Variants in SLC7A13 observed in about 807,000 individuals in gnomAD.
SLC7A13 encodes solute carrier family 7 member 13, also known as X-amino acid transporter 2.
Under a neutral mutation model 32.0 loss-of-function variants are expected in SLC7A13, and 31 were observed. The observed-to-expected ratio is 0.97, with a 90% CI of 0.73 to 1.31. The LOEUF (loss-of-function observed/expected upper bound fraction) is 1.31. Among genes scored for constraint, SLC7A13 ranks in the 50% most tolerant of loss-of-function variants. The pLI is 0.00. For synonymous variants in SLC7A13, 232 were observed against 206.9 expected (o/e 1.12, Z -1.04); for missense variants, 633 against 546.9 (o/e 1.16, Z -1.57).
At chr8:86,217,875 G>T in intron 2 of SLC7A13, 44 bp from the exon 3 acceptor site, 1 of 1,472,860 alleles carries the variant, frequency 6.8e-7, no homozygotes, top group South Asian at 1.5e-5. Context: ...TGTTAAAAGA[G>T]AAATACTAAT....
Position 86,229,784 on chromosome 8 carries a change from A to C in SLC7A13, c.494T>G (p.Val165Gly). Residue 165 changes from valine (V) to glycine (G), a missense_variant, in exon 1 of 4, where the codon GTG becomes GGG. By Grantham distance (109) the Val-to-Gly change is moderately radical. Transcript: ENST00000297524. ...GAAGCTAAGTATGGACACTTTCAGC[A>C]CTGAGCTAGCTATCTGAAGCCAAGT... Reference protein sequence around the residue: ...EVTWLQIASSVLKVSILSFIS... With the variant: ...EVTWLQIASSGLKVSILSFIS... The C allele has an allele frequency of 1.2e-6, 2 of 1,614,224 alleles. No individual in the cohort carries two copies. The highest frequency in any genetic ancestry group is 8.5e-7 in the Non-Finnish European group (1 of 1,180,040).
rs950863304 is a variant in SLC7A13, at chr8:86,221,686, C to T, written c.817+1286G>A. Among the ~76,000 whole-genome samples, 5 of 150,996 alleles carry T rather than the reference C, an allele frequency of 3.3e-5. No homozygotes were observed. In the Admixed American group the frequency reaches 3.3e-4, roughly 10 times the overall value. ...AAGATGATATGCCTAAAAAAGTAAG[C>T]ATTGTAGCCAAATTAAAAGTGATGA... On this transcript the variant is annotated intron_variant, in intron 2 of 3. Coordinates refer to ENST00000297524, the MANE Select transcript of SLC7A13 (RefSeq NM_138817.3).
At chr8:86,222,866 C>T (rs1020342495) in intron 2 of SLC7A13, 106 bp downstream of exon 2, 14 of 1,135,300 alleles carry the variant, frequency 1.2e-5, no homozygotes, top group Non-Finnish European at 1.5e-5. Flanking sequence ...AAGTTGATTC[C>T]ATATATAGAA....
chr8:86,229,244 A>G (rs1326604842), intron 1 of SLC7A13, among the ~76,000 whole-genome samples: 2 of 152,214 alleles, frequency 1.3e-5, no homozygotes, highest in African/African-American at 4.8e-5. Context: ...ATAGTCTGGC[A>G]TTGGATCATT....
intron 3 of SLC7A13, 59 bp from the exon 4 acceptor site, chr8:86,214,705 A>G (rs1820148550): frequency 1.7e-6 from 2 of 1,162,452 alleles, no homozygotes; most frequent in African/African-American, 1.6e-5. Context: ...TGATACCTGC[A>G]TATTCATATA....
Position 86,230,314 on chromosome 8 carries a change from A to C in SLC7A13, c.-37T>G, listed in dbSNP as rs1820464251. On this transcript the variant is annotated 5_prime_UTR_variant, in exon 1 of 4. In the 5' UTR this introduces an upstream ATG that the reference lacks. Transcript: ENST00000297524. The stretch of plus-strand genomic sequence containing the variant: ...AGTTTTAAAATTCTATATAAATTAC[A>C]ATTTCTAGATTTTCCTGCCTATGTA... The C allele has an allele frequency of 6.7e-7, 1 of 1,487,914 alleles. No individual in the cohort carries two copies. Among genetic ancestry groups the C allele is most frequent in the Admixed American group, 2.3e-5 (1 of 42,890 alleles). The allele number at this position is 1,487,914 out of a possible 1,614,324, so 92.2% of individuals were successfully genotyped here. A position where few individuals can be genotyped will look rare whatever the true frequency, so the allele number is the denominator to read the frequency against.
rs891536339 is a variant in SLC7A13 at position 86,229,763 on chromosome 8, C to G, written c.515G>C (p.Ser172Thr). 1 of 1,614,066 alleles carries G rather than the reference C, an allele frequency of 6.2e-7. No individual in the cohort carries two copies. The highest frequency in any genetic ancestry group is 1.3e-5 in the African/African-American group (1 of 74,942). ...CACTACTCCAGTTAGGGAAATGAAG[C>G]TAAGTATGGACACTTTCAGCACTGA... The part of the protein sequence containing the change: ...ASSVLKVSIL[S>T]FISLTGVVFL... The change falls in exon 1 of 4, where the codon AGC becomes ACC. Residue 172 changes from serine to threonine, a missense_variant. Physicochemically the swap from Ser to Thr is moderately conservative, Grantham distance 58. Transcript: ENST00000297524.
At chr8:86,216,056 C>T (rs2129778430) in intron 3 of SLC7A13, among the ~76,000 whole-genome samples, 1 of 152,246 alleles carries the variant, frequency 6.6e-6, no homozygotes, top group South Asian at 2.1e-4. Context: ...CAAGACTAAA[C>T]TCAGCTACTA....
At chr8:86,219,198 C>A in intron 2 of SLC7A13, among the ~76,000 whole-genome samples, 1 of 152,132 alleles carries the variant, frequency 6.6e-6, no homozygotes, top group East Asian at 1.9e-4. Flanking sequence ...CATACCTCCA[C>A]AAATTTCACA....
chr8:86,221,528 A>G (rs931556806), intron 2 of SLC7A13, among the ~76,000 whole-genome samples: 4 of 152,238 alleles, frequency 2.6e-5, no homozygotes, highest in African/African-American at 9.6e-5. Flanking sequence ...GGTTAGTTAC[A>G]TATGTATACG....
chr8:86,228,478 G>A (rs1247054992), intron 1 of SLC7A13, among the ~76,000 whole-genome samples: 5 of 152,010 alleles, frequency 3.3e-5, no homozygotes, highest in African/African-American at 7.2e-5. Context: ...GGGCTCAAGC[G>A]ATCCTCCCAC....
intron 2 of SLC7A13, among the ~76,000 whole-genome samples, chr8:86,218,504 G>A (rs995428549): frequency 5.3e-5 from 8 of 152,148 alleles, no homozygotes; most frequent in Non-Finnish European, 1.0e-4. Context: ...CGGGGAGGTA[G>A]GAGGTTGCTG....
At chr8:86,224,759 G>A (rs532075320) in intron 1 of SLC7A13, among the ~76,000 whole-genome samples, 12 of 151,896 alleles carry the variant, frequency 7.9e-5, no homozygotes, top group African/African-American at 2.4e-4. Context: ...AATGATTTTC[G>A]GTATACAGGA....
Position 86,217,661 on chromosome 8 carries a change from G to A in SLC7A13, c.988C>T (p.Leu330Phe), listed in dbSNP as rs72688509. ...EGQLPLLFNT[L>F]NSHSSPFTAV... ...GTAAATGGAGAAGAGTGACTATTAA[G>A]TGTATTAAATAGCAAAGGCAGCTGG... Residue 330 changes from leucine to phenylalanine, a missense_variant, in exon 3 of 4, where the codon CTT (leucine) becomes TTT (phenylalanine). Physicochemically the swap from Leu to Phe is conservative, Grantham distance 22 (BLOSUM62 0). Transcript: ENST00000297524. 0.026 allele frequency: 42,229 copies of A among 1,613,258 alleles called. 663 individuals carry two copies. Among genetic ancestry groups the A allele is most frequent in the Non-Finnish European group, 0.03 (35,786 of 1,179,432 alleles).
intron 3 of SLC7A13, among the ~76,000 whole-genome samples, chr8:86,215,925 A>G (rs949689609): frequency 2.0e-5 from 3 of 152,130 alleles, no homozygotes; most frequent in African/African-American, 4.8e-5. Flanking sequence ...ATAGCCATCA[A>G]TGTCAGACCC....
chr8:86,223,076 ATTG>A lies in SLC7A13; in HGVS notation c.710_712del (p.Thr237del), dbSNP rs200993940. On this transcript the variant is annotated inframe_deletion, in exon 2 of 4. Transcript: ENST00000297524. Reference sequence around the variant, plus strand: ...TAACGCAGTAAATATGCATTTGGGAATTGTTGTTCTGGGCTTCTTCAGCTCCCC... The same window carrying A: ...TAACGCAGTAAATATGCATTTGGGAATTGTTCTGGGCTTCTTCAGCTCCCC... The A allele has an allele frequency of 1.0e-3, 1,660 of 1,604,256 alleles. 18 individuals carry two copies. The African/African-American group carries it at 0.02, about 19-fold the overall frequency.
intron 1 of SLC7A13, among the ~76,000 whole-genome samples, chr8:86,224,086 C>T (rs1820350158): frequency 1.3e-5 from 2 of 152,092 alleles, no homozygotes; most frequent in Non-Finnish European, 2.9e-5. Flanking sequence ...AAGAGCTACA[C>T]ATGAGTTAAA....
intron 3 of SLC7A13, among the ~76,000 whole-genome samples, chr8:86,215,407 G>C (rs1191378133): frequency 6.6e-6 from 1 of 152,126 alleles, no homozygotes; most frequent in Non-Finnish European, 1.5e-5. Flanking sequence ...TATCTTCTTG[G>C]CCGGGCACAG....
chr8:86,223,452 G>C (rs889192828), intron 1 of SLC7A13, among the ~76,000 whole-genome samples: 1 of 151,976 alleles, frequency 6.6e-6, no homozygotes, highest in African/African-American at 2.4e-5. Context: ...TTTCACTTAG[G>C]ATGATGGTCT....
Sources: allele counts gnomAD v4.1 joint callset (sites outside exome capture counted in the v4.1 genomes callset), GRCh38; gene constraint gnomAD v4.1.1; transcripts MANE v1.5; gene names NCBI Gene and HGNC (gene_info 2026-07-23, HGNC 2026-07-21).